SCN7A: variants seen among roughly 807,000 people sequenced by gnomAD.
SCN7A encodes sodium voltage-gated channel alpha subunit 7, also known as sodium channel protein type 7 subunit alpha.
Under a neutral mutation model 155.2 loss-of-function variants are expected in SCN7A, and 138 were observed. That is an observed-to-expected ratio of 0.89 (90% CI 0.77 to 1.02). The LOEUF is 1.02. SCN7A is among the 50% of genes least tolerant of loss of function. The pLI is 0.00. For missense variants in SCN7A, 2,058 were observed against 1,986.6 expected, an observed-to-expected ratio of 1.04 and a Z score of -0.68; for synonymous variants, 693 against 649.0, an observed-to-expected ratio of 1.07 and a Z score of -1.03.
At chr2:166,487,588 A>G (rs1187380569) in intron 1 of SCN7A, among the ~76,000 whole-genome samples, 1 of 152,152 alleles carries the variant, frequency 6.6e-6, no homozygotes, top group East Asian at 1.9e-4. Flanking sequence ...TACAGCACCT[A>G]AAGAATCAAT....
chr2:166,449,362 C>G (rs1389631453), intron 11 of SCN7A, among the ~76,000 whole-genome samples: 1 of 152,116 alleles, frequency 6.6e-6, no homozygotes, highest in African/African-American at 2.4e-5. Context: ...CTGCCACTGT[C>G]CCAGCACTGA....
chr2:166,454,829 T>TATGGCAG (rs1302192486), intron 11 of SCN7A, among the ~76,000 whole-genome samples: 3 of 152,152 alleles, frequency 2.0e-5, no homozygotes, highest in Non-Finnish European at 4.4e-5. Context: ...TAAGCACACT[T>TATGGCAG]ATGGCAGTTT....
At position 166,404,387 on chromosome 2, in the gene SCN7A, T is replaced by C. The variant is rs910505857; in HGVS notation, c.*1193A>G. 8.6e-5 allele frequency: 13 copies of C among 151,960 alleles called. No homozygotes were observed. The highest frequency in any genetic ancestry group is 3.1e-4 in the African/African-American group (13 of 41,420). The allele number at this position is 151,960 out of a possible 1,614,324, so 9.4% of individuals were successfully genotyped here. ...TAAAACATTTTATAGAGTATGGATG[T>C]ATATGATGAGATTAAAAAACTTGAA... On this transcript the variant is annotated 3_prime_UTR_variant, in exon 26 of 26. Transcript: ENST00000643258.
rs201648326 is a variant in SCN7A at position 166,406,575 on chromosome 2, G to C, written c.4054C>G (p.Arg1352Gly). ...PSLVQLILLSRIIHMLRLGKG... is the reference protein window; with the variant it reads ...PSLVQLILLSGIIHMLRLGKG... ...CCAAGACGCAGCATGTGAATGATCC[G>C]TGAGAGAAGTATCAGTTGCACAAGT... The change falls in exon 26 of 26, where the codon CGG becomes GGG. Residue 1352 changes from arginine to glycine, a missense_variant. Coordinates refer to ENST00000643258, the MANE Select transcript of SCN7A (RefSeq NM_002976.4). The C allele has an allele frequency of 6.2e-6, 10 of 1,612,480 alleles. No individual in the cohort carries two copies. The highest frequency in any genetic ancestry group is 2.7e-5 in the African/African-American group (2 of 74,798).
chr2:166,469,228 C>G (rs547963254), intron 7 of SCN7A, among the ~76,000 whole-genome samples: 27 of 151,636 alleles, frequency 1.8e-4, no homozygotes, highest in African/African-American at 6.5e-4. Context: ...TAGAATTCCT[C>G]TAGTCTTTCT....
rs150750609 is a variant in SCN7A at position 166,493,744 on chromosome 2, G to A, written c.-128+224C>T. ...TACCTGATGGAATTAGAAAACTGAC[G>A]GCACATGCCATGCAAACACCCACAG... On this transcript the variant is annotated intron_variant, in intron 1 of 25. Transcript: ENST00000643258. Among the ~76,000 whole-genome samples, 25 of 152,252 alleles carry A rather than the reference G, an allele frequency of 1.6e-4. 1 individual carries two copies. The highest frequency in any genetic ancestry group is 5.5e-4 in the African/African-American group (23 of 41,566).
intron 11 of SCN7A, among the ~76,000 whole-genome samples, chr2:166,448,849 T>C (rs1487825249): frequency 2.6e-5 from 4 of 152,214 alleles, no homozygotes; most frequent in Non-Finnish European, 5.9e-5. Flanking sequence ...TAGGATAATG[T>C]TAACTTTATA....
rs1184349959 is a variant in SCN7A at position 166,412,554 on chromosome 2, A to T, written c.3582T>A (p.Asp1194Glu). ...TCTTTATTTTATGCTTGTTGAAATT[A>T]TCAATAATAACAGTAATCAGCATAC... The part of the protein sequence containing the change: ...PLSMLITVII[D>E]NFNKHKIKLG... Residue 1194 changes from aspartate (D) to glutamate (E), a missense_variant, in exon 23 of 26, where the codon GAT (aspartate) becomes GAA (glutamate). Coordinates refer to ENST00000643258, the MANE Select transcript of SCN7A (RefSeq NM_002976.4). The T allele has an allele frequency of 6.7e-7, 1 of 1,483,904 alleles. No homozygotes were observed. The highest frequency in any genetic ancestry group is 1.4e-5 in the African/African-American group (1 of 69,234). The allele number at this position is 1,483,904 out of a possible 1,614,324, so 91.9% of individuals were successfully genotyped here. A position where few individuals can be genotyped will look rare whatever the true frequency, so the allele number is the denominator to read the frequency against.
intron 20 of SCN7A, among the ~76,000 whole-genome samples, chr2:166,418,855 A>G (rs1405902721): frequency 6.6e-6 from 1 of 152,210 alleles, no homozygotes; most frequent in Non-Finnish European, 1.5e-5. Context: ...TTAATTTTGT[A>G]AGCATGTAAC....
At chr2:166,414,293 C>T (rs74863230) in intron 21 of SCN7A, among the ~76,000 whole-genome samples, 8,026 of 41,428 alleles carry the variant, frequency 0.19, 929 homozygotes, top group Non-Finnish European at 0.22. Context: ...TATACACACA[C>T]ATATATATAT....
chr2:166,475,080 G>GTATATATATATATATATATGTATA (rs201255081), intron 3 of SCN7A, among the ~76,000 whole-genome samples: 1 of 85,884 alleles, frequency 1.2e-5, no homozygotes, highest in Non-Finnish European at 2.8e-5. Flanking sequence ...TTATATTTGT[G>GTATATATATATATATATATGTATA]TATATATATA....
chr2:166,430,650 A>G (rs1434905520), intron 16 of SCN7A, among the ~76,000 whole-genome samples: 1 of 151,968 alleles, frequency 6.6e-6, no homozygotes, highest in Non-Finnish European at 1.5e-5. Flanking sequence ...AGATTATTTA[A>G]TGGCATAAAG....
At chr2:166,483,018 G>C (rs1324723557) in intron 2 of SCN7A, among the ~76,000 whole-genome samples, 1 of 151,972 alleles carries the variant, frequency 6.6e-6, no homozygotes, top group African/African-American at 2.4e-5. Context: ...AAATTGAATA[G>C]CTAAAGTAAG....
rs763878028 is a variant in SCN7A, at chr2:166,475,119, T to TATATATATATATAC, written c.235-776_235-775insGTATATATATATAT. On this transcript the variant is annotated intron_variant, in intron 3 of 25. Transcript: ENST00000643258. Reference sequence around the variant, plus strand: ...ACATATATATGTATATATATATATATACATATATATATATATATACACACA... The same window carrying TATATATATATATAC: ...ACATATATATGTATATATATATATATATATATATATATACACATATATATATATATATACACACA... Among the ~76,000 whole-genome samples, 4 of 130,168 alleles carry TATATATATATATAC rather than the reference T, an allele frequency of 3.1e-5. 1 individual carries two copies. The highest frequency in any genetic ancestry group is 1.1e-4 in the African/African-American group (4 of 35,230). The allele number at this position is 130,168 out of a possible 152,430, so 85.4% of individuals were successfully genotyped here.
At chr2:166,470,241 A>C (rs35484135) in intron 7 of SCN7A, among the ~76,000 whole-genome samples, 12,861 of 151,852 alleles carry the variant, frequency 0.085, 573 homozygotes, top group Middle Eastern at 0.16. Context: ...GTTCATGTCA[A>C]CTGGTTTCTT....
intron 15 of SCN7A, among the ~76,000 whole-genome samples, chr2:166,438,553 A>AT (rs1175045611): frequency 6.6e-6 from 1 of 152,128 alleles, no homozygotes; most frequent in Non-Finnish European, 1.5e-5. Flanking sequence ...ACATATAATA[A>AT]TTTTTTGTAA....
At chr2:166,414,040 T>A (rs28602571) in intron 21 of SCN7A, among the ~76,000 whole-genome samples, 12 of 77,340 alleles carry the variant, frequency 1.6e-4, no homozygotes, top group Non-Finnish European at 2.5e-4. Flanking sequence ...ATAAATATAT[T>A]TATATATGTA....
chr2:166,475,117 T>TACACAC (rs1332121920), intron 3 of SCN7A, among the ~76,000 whole-genome samples: 9 of 121,386 alleles, frequency 7.4e-5, no homozygotes, highest in African/African-American at 2.2e-4. Context: ...TATATATATA[T>TACACAC]ATACATATAT....
At chr2:166,459,602 A>T (rs1575046498) in intron 10 of SCN7A, among the ~76,000 whole-genome samples, 1 of 152,300 alleles carries the variant, frequency 6.6e-6, no homozygotes, top group Admixed American at 6.5e-5. Flanking sequence ...CCCTATCCAT[A>T]ATTAGTTCAG....
Sources: allele counts gnomAD v4.1 joint callset (sites outside exome capture counted in the v4.1 genomes callset), GRCh38; gene constraint gnomAD v4.1.1; transcripts MANE v1.5; gene names NCBI Gene and HGNC (gene_info 2026-07-23, HGNC 2026-07-21).